TNS3: variants seen among roughly 807,000 people sequenced by gnomAD.
TNS3 encodes tensin 3.
Under a neutral mutation model 140.9 loss-of-function variants are expected in TNS3, and 45 were observed. The ratio of observed to expected loss-of-function variants is 0.32; its 90% confidence interval spans 0.25 to 0.41. TNS3 has a LOEUF of 0.41. Ranked by LOEUF, TNS3 falls within the 10% of genes least tolerant of loss-of-function variation. The probability of loss-of-function intolerance (pLI) is 1.00; values close to 1 mark genes in which losing one functional copy is unlikely to be tolerated. For synonymous variants in TNS3, 815 were observed against 788.4 expected (o/e 1.03, Z -0.56); for missense variants, 1,716 against 1,906.7 (o/e 0.90, Z 1.86).
At chr7:47,305,525 C>A (rs112058260) in intron 20 of TNS3, among the ~76,000 whole-genome samples, 22 of 152,270 alleles carry the variant, frequency 1.4e-4, no homozygotes, top group African/African-American at 5.1e-4. Context: ...CTACCCTCCC[C>A]CCAGCTGGTA....
chr7:47,375,541 A>C (rs1281153489), intron 16 of TNS3, among the ~76,000 whole-genome samples: 1 of 152,164 alleles, frequency 6.6e-6, no homozygotes, highest in African/African-American at 2.4e-5. Flanking sequence ...CCTGCAGGGG[A>C]TCCTTCTCTT....
At position 47,278,067 on chromosome 7, in the gene TNS3, G is replaced by A. The variant is rs1401989232; in HGVS notation, c.*9C>T. 1.2e-6 allele frequency: 2 copies of A among 1,614,026 alleles called. No individual in the cohort carries two copies. The highest frequency in any genetic ancestry group is 1.7e-6 in the Non-Finnish European group (2 of 1,179,920). ...AGGCATCGGTGGGTCCAGGGAGGGA[G>A]GGGAGTTCTCAGACCTTCTTTGGGG... On this transcript the variant is annotated 3_prime_UTR_variant, in exon 31 of 31. Coordinates refer to ENST00000311160, the MANE Select transcript of TNS3 (RefSeq NM_022748.12).
intron 1 of TNS3, among the ~76,000 whole-genome samples, chr7:47,564,657 AAAC>A: frequency 1.3e-5 from 2 of 148,934 alleles, no homozygotes; most frequent in Non-Finnish European, 3.0e-5. Flanking sequence ...AAACAAAAAA[AAAC>A]AAAAAAAGAC....
intron 20 of TNS3, among the ~76,000 whole-genome samples, chr7:47,332,270 G>T: frequency 6.6e-6 from 1 of 152,260 alleles, no homozygotes; most frequent in East Asian, 1.9e-4. Context: ...ATTACAAGGT[G>T]AGGGCCTTCG....
intron 17 of TNS3, among the ~76,000 whole-genome samples, chr7:47,355,568 C>T (rs1789946029): frequency 6.6e-6 from 1 of 152,222 alleles, no homozygotes; most frequent in South Asian, 2.1e-4. Context: ...GCCATCAATT[C>T]ACCCCTGAGC....
At position 47,478,684 on chromosome 7, in the gene TNS3, G is replaced by A. The variant is rs573233486; in HGVS notation, c.-76+2419C>T. On this transcript the variant is annotated intron_variant, in intron 4 of 30. Coordinates refer to ENST00000311160, the MANE Select transcript of TNS3 (RefSeq NM_022748.12). The stretch of plus-strand genomic sequence containing the variant: ...ATATATACACTCACATATAAAGACT[G>A]CATACCTAATATACATATATATTCA... Among the ~76,000 whole-genome samples, 4 of 151,754 alleles carry A rather than the reference G, an allele frequency of 2.6e-5. No individual in the cohort carries two copies. The South Asian group carries it at 8.3e-4, about 32-fold the overall frequency.
chr7:47,310,356 G>A (rs1414490292), intron 20 of TNS3, among the ~76,000 whole-genome samples: 2 of 152,038 alleles, frequency 1.3e-5, no homozygotes, highest in African/African-American at 2.4e-5. Flanking sequence ...TAGGAAGAGG[G>A]GCCTTTGCAA....
At chr7:47,549,236 T>C (rs1201631647) in intron 1 of TNS3, among the ~76,000 whole-genome samples, 1 of 152,148 alleles carries the variant, frequency 6.6e-6, no homozygotes, top group Non-Finnish European at 1.5e-5. Flanking sequence ...TTCACACCTG[T>C]AATCCCAGCA....
chr7:47,517,500 T>C (rs1364304726), intron 2 of TNS3, among the ~76,000 whole-genome samples: 1 of 152,334 alleles, frequency 6.6e-6, no homozygotes, highest in East Asian at 1.9e-4. Flanking sequence ...GATACAAAGC[T>C]AACCACAAGT....
chr7:47,392,503 A>G (rs1457596943), intron 16 of TNS3, among the ~76,000 whole-genome samples: 1 of 152,176 alleles, frequency 6.6e-6, no homozygotes, highest in Non-Finnish European at 1.5e-5. Flanking sequence ...AGGCAGGGGC[A>G]GGGGTGGAAA....
chr7:47,286,272 T>C (rs933194408), intron 27 of TNS3, among the ~76,000 whole-genome samples: 1 of 152,096 alleles, frequency 6.6e-6, no homozygotes, highest in African/African-American at 2.4e-5. Context: ...TGGCTAGAGT[T>C]TGGTAGCAAT....
chr7:47,458,503 C>T (rs775888356), intron 4 of TNS3, among the ~76,000 whole-genome samples: 2 of 152,190 alleles, frequency 1.3e-5, no homozygotes, highest in Non-Finnish European at 2.9e-5. Flanking sequence ...ATGTCCTGTA[C>T]AAATTGGATC....
At chr7:47,305,540 G>A (rs923586862) in intron 20 of TNS3, among the ~76,000 whole-genome samples, 4 of 152,242 alleles carry the variant, frequency 2.6e-5, no homozygotes, top group Admixed American at 6.5e-5. Context: ...CTGGTAACTG[G>A]GCCATCAACA....
rs1052597274 is a variant in TNS3, at chr7:47,570,338, G to A, written c.-265+11713C>T. ...TCCAGAAAGAATATTCTTTTGTGCTGAAGTCACAGCTCCGTAGGTGCAACT... is the reference window on the plus strand; with the variant it reads ...TCCAGAAAGAATATTCTTTTGTGCTAAAGTCACAGCTCCGTAGGTGCAACT... On this transcript the variant is annotated intron_variant, in intron 1 of 30. Coordinates refer to ENST00000311160, the MANE Select transcript of TNS3 (RefSeq NM_022748.12). Among the ~76,000 whole-genome samples, 3 of 152,328 alleles carry A rather than the reference G, an allele frequency of 2.0e-5. No individual in the cohort carries two copies. The East Asian group carries it at 5.8e-4, about 29-fold the overall frequency.
chr7:47,334,954 CATTT>C (rs779825911), intron 20 of TNS3, among the ~76,000 whole-genome samples: 34 of 152,128 alleles, frequency 2.2e-4, no homozygotes, highest in Non-Finnish European at 2.6e-4. Flanking sequence ...CTTTATTATT[CATTT>C]GTTTTGAAAA....
In TNS3 at chr7:47,292,028, T is replaced by C. The variant is rs1322803603; in HGVS notation, c.3855A>G (p.Pro1285=). ...PCKLLIPERD[P]LEEIAESSPQ... ...GAGAACTTTCTGCTATTTCCTCCAA[T>C]GGATCTGTAGGAAGGGGCAAGAAAA... The change falls in exon 27 of 31, where the codon CCA becomes CCG. Residue 1285 remains proline (P), a synonymous_variant. Coordinates refer to ENST00000311160, the MANE Select transcript of TNS3 (RefSeq NM_022748.12). The C allele has an allele frequency of 1.2e-6, 2 of 1,614,026 alleles. No homozygotes were observed. Among genetic ancestry groups the C allele is most frequent in the Non-Finnish European group, 8.5e-7 (1 of 1,180,016 alleles).
At chr7:47,324,730 C>A (rs1787933401) in intron 20 of TNS3, among the ~76,000 whole-genome samples, 1 of 152,092 alleles carries the variant, frequency 6.6e-6, no homozygotes, top group Admixed American at 6.5e-5. Flanking sequence ...CTGGCTTGGG[C>A]AACAAAGTGA....
At chr7:47,336,455 G>A (rs1028244951) in intron 20 of TNS3, among the ~76,000 whole-genome samples, 1 of 152,210 alleles carries the variant, frequency 6.6e-6, no homozygotes, top group African/African-American at 2.4e-5. Context: ...ACATTATTTG[G>A]AAAAGACTCC....
intron 3 of TNS3, among the ~76,000 whole-genome samples, chr7:47,495,050 T>C (rs1480232465): frequency 6.6e-6 from 1 of 151,744 alleles, no homozygotes; most frequent in Non-Finnish European, 1.5e-5. Context: ...ATTAGAAACG[T>C]TCTTCTCCCC....
Sources: allele counts gnomAD v4.1 joint callset (sites outside exome capture counted in the v4.1 genomes callset), GRCh38; gene constraint gnomAD v4.1.1; transcripts MANE v1.5; gene names NCBI Gene and HGNC (gene_info 2026-07-23, HGNC 2026-07-21).